Variants in FRMD6 observed in about 807,000 individuals in gnomAD.
FRMD6 encodes the protein FERM domain containing 6.
A neutral mutation model predicts 73.2 loss-of-function variants in FRMD6; 37 were observed. The observed-to-expected ratio is 0.51, with a 90% CI of 0.39 to 0.66. The LOEUF (loss-of-function observed/expected upper bound fraction) is 0.66, where lower values mean the gene tolerates loss of function less well. Among genes scored for constraint, FRMD6 ranks in the 30% least tolerant of loss-of-function variants. The pLI is 0.00. For synonymous variants in FRMD6, 273 were observed against 282.2 expected (o/e 0.97, Z 0.33); for missense variants, 714 against 780.5 (o/e 0.91, Z 1.02).
chr14:51,436,927 A>T, the FRMD6 span: 1 of 1,004,584 alleles, frequency 1.0e-6, no homozygotes, highest in Non-Finnish European at 1.5e-6. Flanking sequence ...ATGATGATGA[A>T]GGGGAGGGAG....
At chr14:51,438,199 C>T in the FRMD6 span, among the ~76,000 whole-genome samples, 1 of 152,224 alleles carries the variant, frequency 6.6e-6, no homozygotes, top group South Asian at 2.1e-4. Context: ...GACATCCTTA[C>T]AGTTTAAGAT....
intron 2 of FRMD6, among the ~76,000 whole-genome samples, chr14:51,693,040 A>G (rs200430762): frequency 1.1e-4 from 16 of 152,142 alleles, no homozygotes; most frequent in Non-Finnish European, 2.9e-5. Context: ...CTGAATTTGT[A>G]TTAGCTTCAT....
At chr14:51,600,390 C>T (rs1395735479) in intron 2 of FRMD6, among the ~76,000 whole-genome samples, 1 of 152,104 alleles carries the variant, frequency 6.6e-6, no homozygotes, top group African/African-American at 2.4e-5. Flanking sequence ...TCCATGTGAC[C>T]CTAGCAGAGT....
chr14:51,425,414 C>T, the FRMD6 span, among the ~76,000 whole-genome samples: 1 of 152,156 alleles, frequency 6.6e-6, no homozygotes, highest in Non-Finnish European at 1.5e-5. Context: ...CCATCCCTCT[C>T]CTTGGAAAAC....
intron 1 of FRMD6, among the ~76,000 whole-genome samples, chr14:51,688,211 C>T (rs1241427286): frequency 6.6e-6 from 1 of 151,894 alleles, no homozygotes. Context: ...AACGATAGCA[C>T]AGGCCTCCAA....
the FRMD6 span, among the ~76,000 whole-genome samples, chr14:51,410,774 A>G: frequency 6.6e-6 from 1 of 152,160 alleles, no homozygotes; most frequent in East Asian, 1.9e-4. Context: ...AAAAAACAGA[A>G]TTATTTTGTA....
chr14:51,559,693 C>T (rs1054947722), intron 1 of FRMD6, among the ~76,000 whole-genome samples: 3 of 152,092 alleles, frequency 2.0e-5, no homozygotes, highest in African/African-American at 7.2e-5. Flanking sequence ...AAATTCAGAA[C>T]CTTCCTTTGA....
chr14:51,482,290 G>A, the FRMD6 span, among the ~76,000 whole-genome samples: 15 of 152,050 alleles, frequency 9.9e-5, no homozygotes, highest in South Asian at 1.7e-3. Context: ...GCAGAGTGCA[G>A]GGCCTCCTGG....
intron 2 of FRMD6, among the ~76,000 whole-genome samples, chr14:51,692,471 AAT>A (rs1491545369): frequency 2.3e-4 from 8 of 34,658 alleles, no homozygotes; most frequent in African/African-American, 8.2e-4. Context: ...TACGTGGTGC[AAT>A]GTGTGTGTGT....
At chr14:51,620,886 A>G (rs1013227072) in intron 2 of FRMD6, among the ~76,000 whole-genome samples, 10 of 152,038 alleles carry the variant, frequency 6.6e-5, no homozygotes, top group Non-Finnish European at 1.2e-4. Flanking sequence ...AGTGCTAGGC[A>G]GTGCACCACA....
At chr14:51,477,737 C>CTTTTTTTTTTTTTTTTTTT in the FRMD6 span, among the ~76,000 whole-genome samples, 6 of 134,170 alleles carry the variant, frequency 4.5e-5, no homozygotes, top group Admixed American at 1.5e-4. Flanking sequence ...TTTTCTTTTT[C>CTTTTTTTTTTTTTTTTTTT]TTTTTTTTTT....
At chr14:51,423,447 C>T in the FRMD6 span, among the ~76,000 whole-genome samples, 1 of 152,330 alleles carries the variant, frequency 6.6e-6, no homozygotes, top group South Asian at 2.1e-4. Context: ...GTCTTAGGCT[C>T]TTTTGCATGG....
At position 51,705,793 on chromosome 14, in the gene FRMD6, A is replaced by G. The variant is rs114321442; in HGVS notation, c.558+858A>G. Among the ~76,000 whole-genome samples the G allele has an allele frequency of 2.7e-3, 418 of 152,278 alleles. 1 individual carries two copies. The highest frequency in any genetic ancestry group is 9.4e-3 in the African/African-American group (390 of 41,564). ...TTGCTTTATATCAATACAGTAAAGA[A>G]GTAAAAAATTAAATATGCACTACTT... On this transcript the variant is annotated intron_variant, in intron 6 of 13. Transcript: ENST00000344768.
intron 2 of FRMD6, among the ~76,000 whole-genome samples, chr14:51,587,033 G>A (rs576500878): frequency 1.8e-4 from 28 of 152,310 alleles, no homozygotes; most frequent in Admixed American, 4.6e-4. Flanking sequence ...TGGGGTTATG[G>A]CCATGAGCCA....
intron 2 of FRMD6, among the ~76,000 whole-genome samples, chr14:51,645,144 T>C (rs1382777772): frequency 2.0e-5 from 3 of 152,208 alleles, no homozygotes; most frequent in Non-Finnish European, 4.4e-5. Context: ...TGTAGAAAAC[T>C]TTCTTAATAT....
chr14:51,542,503 T>A (rs1308592604), intron 1 of FRMD6, among the ~76,000 whole-genome samples: 1 of 152,128 alleles, frequency 6.6e-6, no homozygotes, highest in African/African-American at 2.4e-5. Context: ...TAGTATGATA[T>A]GCCACATTTT....
chr14:51,397,719 A>T, the FRMD6 span, among the ~76,000 whole-genome samples: 2 of 152,186 alleles, frequency 1.3e-5, no homozygotes, highest in East Asian at 3.8e-4. Context: ...ATCGCGCCAC[A>T]TGTAGAAAAT....
At chr14:51,465,600 T>C in the FRMD6 span, among the ~76,000 whole-genome samples, 2 of 152,266 alleles carry the variant, frequency 1.3e-5, no homozygotes, top group African/African-American at 4.8e-5. Context: ...TATAATTCCA[T>C]TGAGTATCAT....
chr14:51,679,732 C>T (rs1224810563), intron 1 of FRMD6, among the ~76,000 whole-genome samples: 1 of 152,110 alleles, frequency 6.6e-6, no homozygotes, highest in African/African-American at 2.4e-5. Context: ...ATCCCCATCA[C>T]TTCTTTTATG....
Sources: allele counts gnomAD v4.1 joint callset (sites outside exome capture counted in the v4.1 genomes callset), GRCh38; gene constraint gnomAD v4.1.1; transcripts MANE v1.5; gene names NCBI Gene and HGNC (gene_info 2026-07-23, HGNC 2026-07-21).